Variants in HERC2 observed in about 807,000 individuals in gnomAD.
HERC2 encodes E3 ubiquitin-protein ligase HERC2.
In HERC2, 102 loss-of-function variants were observed where a neutral mutation model predicts 537.7. The ratio of observed to expected loss-of-function variants is 0.19; its 90% CI spans 0.16 to 0.22. The LOEUF is 0.22. HERC2 is among the 10% of genes least tolerant of loss of function. HERC2 has a pLI of 1.00. For synonymous variants in HERC2, 2,224 were observed against 2,466.2 expected (o/e 0.90, Z 2.91); for missense variants, 4,236 against 6,198.2 (o/e 0.68, Z 10.63).
chr15:28,275,220 G>C (rs565734767), intron 5 of HERC2, among the ~76,000 whole-genome samples: 57 of 152,334 alleles, frequency 3.7e-4, no homozygotes, highest in African/African-American at 1.3e-3. Flanking sequence ...TCAAAGAAAT[G>C]TATAAGGAAT....
intron 4 of HERC2, among the ~76,000 whole-genome samples, chr15:28,284,875 C>T (rs1226756357): frequency 7.1e-6 from 1 of 141,052 alleles, no homozygotes; most frequent in African/African-American, 2.7e-5. Context: ...TGAGATCGTG[C>T]CACTTCACTC....
rs1899562083 is a variant in HERC2, at chr15:28,213,929, A to G, written c.6599T>C (p.Val2200Ala). 1.2e-6 allele frequency: 2 copies of G among 1,612,246 alleles called. No homozygotes were observed. Among genetic ancestry groups the G allele is most frequent in the Admixed American group, 1.7e-5 (1 of 59,836 alleles). The change falls in exon 42 of 93, where the codon GTG becomes GCG. Residue 2200 changes from valine to alanine, a missense_variant. Around this residue, in one of 27 missense-constraint regions of HERC2, gnomAD observed 365 missense variants for 468.8 expected, o/e 0.78. Coordinates refer to ENST00000261609, the MANE Select transcript of HERC2 (RefSeq NM_004667.6). Reference sequence around the variant, plus strand: ...AGCCAGGACTGCCATGAGGCCCCCCACTTCAGGGTTCTCGGAGTCGGGGAA... The same window carrying G: ...AGCCAGGACTGCCATGAGGCCCCCCGCTTCAGGGTTCTCGGAGTCGGGGAA... ...DYFPDSENPEVGGLMAVLAVI... is the reference protein window; with the variant it reads ...DYFPDSENPEAGGLMAVLAVI...
intron 23 of HERC2, among the ~76,000 whole-genome samples, chr15:28,241,031 G>A (rs889591131): frequency 2.6e-5 from 4 of 151,934 alleles, no homozygotes; most frequent in African/African-American, 9.7e-5. Flanking sequence ...GGCAACAAAA[G>A]GAAAAAAATA....
chr15:28,243,508 G>A (rs572047575), intron 23 of HERC2, among the ~76,000 whole-genome samples: 1 of 152,164 alleles, frequency 6.6e-6, no homozygotes, highest in Non-Finnish European at 1.5e-5. Context: ...CAAATACACA[G>A]TAACACTCAC....
At chr15:28,173,125 G>A (rs965562514) in intron 65 of HERC2, among the ~76,000 whole-genome samples, 6 of 152,120 alleles carry the variant, frequency 3.9e-5, no homozygotes, top group African/African-American at 1.4e-4. Context: ...TGGAGGATGT[G>A]GACCTCTGGA....
intron 14 of HERC2, among the ~76,000 whole-genome samples, chr15:28,264,522 C>T (rs1016761112): frequency 6.6e-6 from 1 of 152,214 alleles, no homozygotes; most frequent in South Asian, 2.1e-4. Context: ...GATACTTCTA[C>T]TGTAACAGTC....
intron 16 of HERC2, 56 bp downstream of exon 16, chr15:28,260,721 G>A (rs1183965767): frequency 2.0e-5 from 29 of 1,471,842 alleles, no homozygotes; most frequent in Non-Finnish European, 2.5e-5. Flanking sequence ...TACTGGTAAT[G>A]AACAACTGGA....
At chr15:28,267,850 A>C (rs1361549024) in intron 12 of HERC2, among the ~76,000 whole-genome samples, 1 of 152,208 alleles carries the variant, frequency 6.6e-6, no homozygotes, top group African/African-American at 2.4e-5. Flanking sequence ...AGCCCACAAG[A>C]AATGGGCTTG....
At chr15:28,253,328 A>C (rs2075144449) in intron 20 of HERC2, among the ~76,000 whole-genome samples, 1 of 152,348 alleles carries the variant, frequency 6.6e-6, no homozygotes, top group Admixed American at 6.5e-5. Flanking sequence ...GTTACCTTAC[A>C]AAGTAGTATG....
At chr15:28,146,215 C>G in intron 71 of HERC2, 22 bp downstream of exon 71, 1 of 1,548,226 alleles carries the variant, frequency 6.5e-7, no homozygotes, top group Non-Finnish European at 8.9e-7. Flanking sequence ...AGATCATGCC[C>G]TGCTCAACCT....
chr15:28,288,265 C>T (rs182578737), intron 4 of HERC2, among the ~76,000 whole-genome samples: 159 of 152,100 alleles, frequency 1.0e-3, no homozygotes, highest in Admixed American at 3.6e-3. Context: ...TTTTTTCTGG[C>T]CAGCCATGGT....
Position 28,272,240 on chromosome 15 carries a change from G to GC in HERC2, c.1057dup (p.Ala353GlyfsTer19), listed in dbSNP as rs2075751977. The GC allele has an allele frequency of 6.2e-7, 1 of 1,609,386 alleles. No individual in the cohort carries two copies. Among genetic ancestry groups the GC allele is most frequent in the Non-Finnish European group, 8.5e-7 (1 of 1,178,400 alleles). On this transcript the variant is annotated frameshift_variant, in exon 9 of 93. Transcript: ENST00000261609. LOFTEE classifies it high-confidence loss of function. ...GTGCATGTCGCCCTCGGAGTGGGGT[G>GC]CATCCTTCCTGCAAATGATGCTCTG...
chr15:28,284,732 T>C (rs986377810), intron 4 of HERC2, among the ~76,000 whole-genome samples: 4 of 151,754 alleles, frequency 2.6e-5, no homozygotes, highest in African/African-American at 4.8e-5. Context: ...CTGGCCAACA[T>C]GGCAAAACCC....
At chr15:28,196,771 G>A (rs1419826967) in intron 50 of HERC2, among the ~76,000 whole-genome samples, 2 of 152,206 alleles carry the variant, frequency 1.3e-5, no homozygotes, top group South Asian at 2.1e-4. Context: ...ATCACAAGAA[G>A]GGAGCATGAA....
intron 85 of HERC2, among the ~76,000 whole-genome samples, chr15:28,121,950 C>G (rs1270631980): frequency 7.6e-6 from 1 of 132,028 alleles, no homozygotes; most frequent in Non-Finnish European, 1.6e-5. Context: ...GCCAGCCGGA[C>G]CTTGGATCGC....
At chr15:28,162,716 C>T (rs371871549) in intron 69 of HERC2, among the ~76,000 whole-genome samples, 1 of 151,852 alleles carries the variant, frequency 6.6e-6, no homozygotes, top group East Asian at 1.9e-4. Context: ...GGTAAAACCC[C>T]GACTCTACTA....
intron 2 of HERC2, chr15:28,312,791 A>G (rs2076982650): frequency 3.1e-6 from 3 of 979,596 alleles, no homozygotes; most frequent in Non-Finnish European, 3.6e-6. Flanking sequence ...TTTTTGGTTC[A>G]GATCCCAGAA....
chr15:28,200,722 A>T (rs1897824816), intron 48 of HERC2, among the ~76,000 whole-genome samples: 1 of 151,428 alleles, frequency 6.6e-6, no homozygotes, highest in African/African-American at 2.4e-5. Context: ...AGCGTTAGAT[A>T]TGAGATGATA....
rs1230828324 is a variant in HERC2 at position 28,322,150 on chromosome 15, C to T, written c.-107G>A. The T allele has an allele frequency of 4.9e-5, 3 of 61,048 alleles. No individual in the cohort carries two copies. The highest frequency in any genetic ancestry group is 9.4e-5 in the Non-Finnish European group (3 of 31,886). The allele number at this position is 61,048 out of a possible 1,614,324, so 3.8% of individuals were successfully genotyped here. A position where few individuals can be genotyped will look rare whatever the true frequency, so the allele number is the denominator to read the frequency against. The stretch of plus-strand genomic sequence containing the variant: ...TCCCAAGAGCCGCTGGCTCAGCCGG[C>T]GCCCGCGATCCCGGCGCCTCTCGCG... On this transcript the variant is annotated 5_prime_UTR_variant, in exon 1 of 93. Transcript: ENST00000261609.
Sources: allele counts gnomAD v4.1 joint callset (sites outside exome capture counted in the v4.1 genomes callset), GRCh38; gene constraint gnomAD v4.1.1; regional missense constraint gnomAD v4.1.1; transcripts MANE v1.5; gene names NCBI Gene and HGNC (gene_info 2026-07-23, HGNC 2026-07-21).